Variants in NHS observed in about 807,000 individuals in gnomAD.
The protein encoded by NHS is NHS actin remodeling regulator.
Under a neutral mutation model 72.5 loss-of-function variants are expected in NHS, and 5 were observed. The observed-to-expected ratio is 0.07, with a 90% CI of 0.04 to 0.14. The LOEUF (loss-of-function observed/expected upper bound fraction) is 0.14, where lower values mean the gene tolerates loss of function less well. Among genes scored for constraint, NHS ranks in the 10% least tolerant of loss-of-function variants. The probability of loss-of-function intolerance (pLI) is 1.00; values close to 1 mark genes in which losing one functional copy is unlikely to be tolerated. For missense variants in NHS, 1,072 were observed against 1,355.7 expected (o/e 0.79, Z 3.29); for synonymous variants, 464 against 547.7 (o/e 0.85, Z 2.13).
intron 1 of NHS, among the ~76,000 whole-genome samples, chrX:17,569,018 T>G (rs1030796112): frequency 3.9e-4 from 44 of 111,678 alleles, no homozygotes; most frequent in African/African-American, 1.3e-3. Flanking sequence ...TGGCTGCATA[T>G]TATTCCATGG....
At chrX:17,690,869 T>C (rs1315553763) in intron 2 of NHS, among the ~76,000 whole-genome samples, 3 of 112,370 alleles carry the variant, frequency 2.7e-5, no homozygotes, top group African/African-American at 9.7e-5. Flanking sequence ...GATGCTATCA[T>C]TTATGTTCAT....
chrX:17,388,347 G>A (rs2064421147), intron 1 of NHS, among the ~76,000 whole-genome samples: 1 of 111,804 alleles, frequency 8.9e-6, no homozygotes, highest in African/African-American at 3.2e-5. Context: ...AAAGAAACTA[G>A]AGCAAGGTGA....
intron 1 of NHS, among the ~76,000 whole-genome samples, chrX:17,600,859 C>T (rs766723539): frequency 9.0e-6 from 1 of 111,258 alleles, no homozygotes; most frequent in East Asian, 2.8e-4. Context: ...TGAGTGGGAG[C>T]TTGTGAGCTT....
chrX:17,550,531 G>C lies in NHS; in HGVS notation c.566-137211G>C, dbSNP rs375721095. Among the ~76,000 whole-genome samples the C allele has an allele frequency of 1.3e-3, 142 of 111,931 alleles. 6 individuals carry two copies. In the South Asian group the frequency reaches 0.05, roughly 39 times the overall value. On this transcript the variant is annotated intron_variant, in intron 1 of 8. Transcript: ENST00000676302. ...GCTGGCCTGGGGCTGAGCCGCGCAGGTCTGGCCTGGAGTCACAGAAGTGGT... is the reference window on the plus strand; with the variant it reads ...GCTGGCCTGGGGCTGAGCCGCGCAGCTCTGGCCTGGAGTCACAGAAGTGGT...
intron 1 of NHS, among the ~76,000 whole-genome samples, chrX:17,450,305 GC>G (rs1344811532): frequency 1.8e-5 from 2 of 111,638 alleles, no homozygotes; most frequent in East Asian, 5.6e-4. Context: ...CTCTCTTCAT[GC>G]CCCTCTCCCC....
rs758044571 is a variant in NHS at position 17,407,958 on chromosome X, C to T, written c.565+31636C>T. ...GAGCATTTGTTTCCCCATGCCCCTA[C>T]CCACCCCGTTATTTATTGATTCTGC... is the stretch of plus-strand genomic sequence containing the variant. On this transcript the variant is annotated intron_variant, in intron 1 of 8. Transcript: ENST00000676302. 7.2e-5 allele frequency among the ~76,000 whole-genome samples: 8 copies of T among 111,274 alleles called. No homozygotes were observed. In the South Asian group the frequency reaches 3.1e-3, roughly 43 times the overall value.
chrX:17,558,574 GT>G (rs2065394272), intron 1 of NHS, among the ~76,000 whole-genome samples: 1 of 112,254 alleles, frequency 8.9e-6, no homozygotes. Context: ...TACCAGCTGT[GT>G]GATTTGCTGA....
chrX:17,408,081 C>T (rs1012173842), intron 1 of NHS, among the ~76,000 whole-genome samples: 1 of 111,486 alleles, frequency 9.0e-6, no homozygotes, highest in African/African-American at 3.3e-5. Context: ...GTGATCTCCT[C>T]TCACTGCAAC....
At chrX:17,464,823 C>T (rs1321384531) in intron 1 of NHS, among the ~76,000 whole-genome samples, 1 of 111,910 alleles carries the variant, frequency 8.9e-6, no homozygotes, top group Non-Finnish European at 1.9e-5. Flanking sequence ...TGCCTCATGT[C>T]CCCATATATA....
At chrX:17,638,708 TGAAA>T (rs1250984556) in intron 1 of NHS, among the ~76,000 whole-genome samples, 1 of 112,126 alleles carries the variant, frequency 8.9e-6, no homozygotes, top group Non-Finnish European at 1.9e-5. Flanking sequence ...GATGATGAAA[TGAAA>T]GAATGCAGGC....
intron 1 of NHS, among the ~76,000 whole-genome samples, chrX:17,632,767 GCATAT>G (rs1435112669): frequency 9.0e-6 from 1 of 111,610 alleles, no homozygotes; most frequent in East Asian, 2.8e-4. Flanking sequence ...GCAATTACTG[GCATAT>G]CATTAGATTT....
intron 1 of NHS, among the ~76,000 whole-genome samples, chrX:17,492,791 A>G (rs1317798931): frequency 4.5e-5 from 5 of 111,617 alleles, no homozygotes; most frequent in Non-Finnish European, 7.5e-5. Context: ...AGGTCTTTCT[A>G]TTGGTGATGG....
intron 1 of NHS, among the ~76,000 whole-genome samples, chrX:17,423,242 A>C (rs987200617): frequency 8.9e-6 from 1 of 112,450 alleles, no homozygotes; most frequent in African/African-American, 3.2e-5. Flanking sequence ...ATTTGTTTAG[A>C]ACCTGCCTTG....
At chrX:17,702,447 C>A (rs941789373) in intron 3 of NHS, among the ~76,000 whole-genome samples, 3 of 111,697 alleles carry the variant, frequency 2.7e-5, no homozygotes, top group Non-Finnish European at 5.6e-5. Flanking sequence ...CTTTAGGAGG[C>A]CAAGGCAGGC....
At chrX:17,544,592 AC>A in intron 1 of NHS, among the ~76,000 whole-genome samples, 2 of 111,594 alleles carry the variant, frequency 1.8e-5, no homozygotes, top group Non-Finnish European at 1.9e-5. Context: ...GCTCCCTGCA[AC>A]CTCTGCCTCC....
intron 1 of NHS, among the ~76,000 whole-genome samples, chrX:17,380,319 A>C (rs1009691003): frequency 9.1e-6 from 1 of 110,152 alleles, no homozygotes; most frequent in Admixed American, 9.7e-5. Context: ...ATGAACGCCA[A>C]ATCAGAGGTG....
In NHS at chrX:17,635,722, A is replaced by G. The variant is rs1273462883; in HGVS notation, c.566-52020A>G. 1.2e-5 allele frequency: 9 copies of G among 738,240 alleles called. No individual in the cohort carries two copies. The East Asian group carries it at 1.4e-4, about 12-fold the overall frequency. The allele number at this position is 738,240 out of a possible 1,213,427, so 60.8% of individuals were successfully genotyped here. ...GGAGAGAAGATAACTATGTTTCCCA[A>G]TGAAAGTGAGCCCTTTCACAGGAAC... is the stretch of plus-strand genomic sequence containing the variant. On this transcript the variant is annotated intron_variant, in intron 1 of 8. Coordinates refer to ENST00000676302, the MANE Select transcript of NHS (RefSeq NM_001291867.2).
intron 1 of NHS, among the ~76,000 whole-genome samples, chrX:17,560,604 A>G (rs974459650): frequency 1.8e-5 from 2 of 111,857 alleles, no homozygotes; most frequent in Non-Finnish European, 3.8e-5. Flanking sequence ...GAATATTCTG[A>G]CTTGTTGTCA....
intron 1 of NHS, among the ~76,000 whole-genome samples, chrX:17,615,170 T>C (rs182401202): frequency 0.11 from 4,574 of 43,311 alleles, 452 homozygotes; most frequent in African/African-American, 0.28. Context: ...ACTATATATA[T>C]ACGTATATAT....
Sources: allele counts gnomAD v4.1 joint callset (sites outside exome capture counted in the v4.1 genomes callset), GRCh38; gene constraint gnomAD v4.1.1; transcripts MANE v1.5; gene names NCBI Gene and HGNC (gene_info 2026-07-23, HGNC 2026-07-21).